The following TM7SF3 variants were observed in gnomAD, a reference collection of about 807,000 sequenced individuals.
TM7SF3 encodes transmembrane 7 superfamily member 3.
In TM7SF3, 60 loss-of-function variants were observed where a neutral mutation model predicts 65.5. That is an observed-to-expected ratio of 0.92 (90% confidence interval 0.74 to 1.14). TM7SF3 has a LOEUF of 1.14. Ranked by LOEUF, TM7SF3 falls within the 50% of genes most tolerant of loss-of-function variation. The probability of loss-of-function intolerance (pLI) is 0.00; values close to 1 mark genes in which losing one functional copy is unlikely to be tolerated. For missense variants in TM7SF3, 623 were observed against 684.8 expected, an observed-to-expected ratio of 0.91 and a Z score of 1.01; for synonymous variants, 264 against 259.6, an observed-to-expected ratio of 1.02 and a Z score of -0.16.
chr12:26,976,698 T>C (rs1343401485), intron 9 of TM7SF3, among the ~76,000 whole-genome samples: 16 of 152,246 alleles, frequency 1.1e-4, no homozygotes, highest in Admixed American at 1.0e-3. Context: ...CATTGAATTA[T>C]ATCTCCAAGC....
chr12:26,990,768 T>C lies in TM7SF3; in HGVS notation c.691-141A>G, dbSNP rs1243361588. 1.8e-5 allele frequency: 11 copies of C among 600,472 alleles called. No individual in the cohort carries two copies. In the Admixed American group the frequency reaches 3.5e-4, roughly 19 times the overall value. The allele number at this position is 600,472 out of a possible 1,614,324, so 37.2% of individuals were successfully genotyped here. ...AAAATATACACCAACCCATTTAATA[T>C]GGTCAAAAGGCCATCTTACATGGTT... On this transcript the variant is annotated intron_variant, in intron 5 of 11. Transcript: ENST00000343028.
intron 5 of TM7SF3, among the ~76,000 whole-genome samples, chr12:26,991,308 G>A (rs978974078): frequency 7.3e-5 from 11 of 150,940 alleles, no homozygotes; most frequent in African/African-American, 4.9e-5. Context: ...GCCCGCCACC[G>A]CGCCCGGCTA....
chr12:26,990,650 A>G, intron 5 of TM7SF3, 23 bp from the exon 6 acceptor site: 2 of 1,599,558 alleles, frequency 1.3e-6, no homozygotes, highest in Non-Finnish European at 1.7e-6. Flanking sequence ...ATAACACATG[A>G]TTAGTGTTTA....
At chr12:26,992,590 T>C (rs192614361) in intron 5 of TM7SF3, among the ~76,000 whole-genome samples, 7 of 152,272 alleles carry the variant, frequency 4.6e-5, no homozygotes, top group African/African-American at 1.7e-4. Flanking sequence ...GGCCCACAAA[T>C]GCTATTTTAT....
chr12:26,981,969 T>A (rs1245855659), intron 7 of TM7SF3, among the ~76,000 whole-genome samples: 1 of 152,188 alleles, frequency 6.6e-6, no homozygotes, highest in African/African-American at 2.4e-5. Flanking sequence ...CATAGCCTGA[T>A]TCATGTGAAA....
chr12:27,001,297 A>G (rs1433345277), intron 2 of TM7SF3, among the ~76,000 whole-genome samples: 1 of 152,236 alleles, frequency 6.6e-6, no homozygotes, highest in Non-Finnish European at 1.5e-5. Flanking sequence ...CCCTTTCTGC[A>G]TAGAAATCAA....
rs746047391 is a variant in TM7SF3 at position 26,982,819 on chromosome 12, CA to C, written c.908del (p.Leu303ArgfsTer21). 11 of 1,609,532 alleles carry C rather than the reference CA, an allele frequency of 6.8e-6. No individual in the cohort carries two copies. Among genetic ancestry groups the C allele is most frequent in the Non-Finnish European group, 9.3e-6 (11 of 1,178,612 alleles). On this transcript the variant is annotated frameshift_variant, in exon 7 of 12. Transcript: ENST00000343028. LOFTEE classifies it high-confidence loss of function. The stretch of plus-strand genomic sequence containing the variant: ...CAAAGAAACAAATGAAGAAACCAAG[CA>C]GGGCAAAAAGAGTGAAGAACACTTT... ...SSKVFFTLFA[L>X]LGFFICFFGH...
At chr12:26,997,919 G>A (rs1240776163) in intron 3 of TM7SF3, among the ~76,000 whole-genome samples, 2 of 146,810 alleles carry the variant, frequency 1.4e-5, no homozygotes, top group African/African-American at 2.5e-5. Flanking sequence ...TCTGCCCACC[G>A]GGTTCAAGCA....
chr12:27,012,667 T>G, intron 1 of TM7SF3: 2 of 455,960 alleles, frequency 4.4e-6, no homozygotes, highest in South Asian at 3.1e-5. Flanking sequence ...ACTTACAATC[T>G]AACATCCCAT....
chr12:27,007,230 CA>C (rs1941073096), intron 1 of TM7SF3, among the ~76,000 whole-genome samples: 1 of 152,158 alleles, frequency 6.6e-6, no homozygotes, highest in African/African-American at 2.4e-5. Context: ...CCAAAAGCTA[CA>C]GGAAAATGAT....
intron 1 of TM7SF3, among the ~76,000 whole-genome samples, chr12:27,004,348 G>C (rs1056015873): frequency 1.3e-5 from 2 of 152,176 alleles, no homozygotes; most frequent in Non-Finnish European, 2.9e-5. Flanking sequence ...CACATAAGCA[G>C]TCTTGGGGGT....
rs757020121 is a variant in TM7SF3, at chr12:26,975,493, T to C, written c.1450+3A>G. The C allele has an allele frequency of 6.2e-7, 1 of 1,614,064 alleles. No individual in the cohort carries two copies. Among genetic ancestry groups the C allele is most frequent in the Non-Finnish European group, 8.5e-7 (1 of 1,179,934 alleles). On this transcript the variant is annotated splice_donor_region_variant and intron_variant, in intron 11 of 11. Transcript: ENST00000343028. The stretch of plus-strand genomic sequence containing the variant: ...CACTGGTTTTTGGATTTAAGAGTCT[T>C]ACCATTAGTTTGAAAAGGCACATTT...
At chr12:26,975,695 T>A in intron 10 of TM7SF3, 37 bp from the exon 11 acceptor site, 1 of 1,606,342 alleles carries the variant, frequency 6.2e-7, no homozygotes, top group Non-Finnish European at 8.5e-7. Flanking sequence ...ATCATCCATG[T>A]TAGAACAAAA....
At position 26,975,923 on chromosome 12, in the gene TM7SF3, CT is replaced by C. The variant is rs1295419545; in HGVS notation, c.1288-266del. Reference sequence around the variant, plus strand: ...TATGAAGGAACTTCAACAATAAAATCTAATTAGAGGAAGAATCACTCTTCTG... The same window carrying C: ...TATGAAGGAACTTCAACAATAAAATCAATTAGAGGAAGAATCACTCTTCTG... On this transcript the variant is annotated intron_variant, in intron 10 of 11. Transcript: ENST00000343028. 1.3e-5 allele frequency: 7 copies of C among 533,920 alleles called. No homozygotes were observed. The East Asian group carries it at 1.8e-4, about 14-fold the overall frequency. 33.1% of individuals were successfully genotyped at this position (533,920 alleles called of 1,614,324 possible).
intron 6 of TM7SF3, among the ~76,000 whole-genome samples, chr12:26,987,668 A>G (rs945274812): frequency 4.6e-5 from 7 of 152,232 alleles, no homozygotes; most frequent in African/African-American, 1.7e-4. Flanking sequence ...CATTAGAGAA[A>G]CACCATTTGG....
chr12:26,983,548 A>G (rs1565870447), intron 6 of TM7SF3: 1 of 455,148 alleles, frequency 2.2e-6, no homozygotes, highest in Non-Finnish European at 4.4e-6. Flanking sequence ...TAATCCAGTG[A>G]TAAAGGAGGG....
In TM7SF3 at chr12:27,007,358, AG is replaced by A. The variant is rs772556886; in HGVS notation, c.92-3969del. On this transcript the variant is annotated intron_variant, in intron 1 of 11. Transcript: ENST00000343028. Reference sequence around the variant, plus strand: ...AACCTGGTCACTTGACAAAATAGGTAGGGGTATTAAGAGGAAGTATCTCTGG... The same window carrying A: ...AACCTGGTCACTTGACAAAATAGGTAGGGTATTAAGAGGAAGTATCTCTGG... 1.3e-3 allele frequency among the ~76,000 whole-genome samples: 196 copies of A among 152,310 alleles called. 1 individual carries two copies. Among genetic ancestry groups the A allele is most frequent in the Non-Finnish European group, 6.3e-4 (43 of 68,016 alleles).
chr12:26,990,539 T>A lies in TM7SF3; in HGVS notation c.779A>T (p.Asp260Val). 6.2e-7 allele frequency: 1 copy of A among 1,613,916 alleles called. No homozygotes were observed. Among genetic ancestry groups the A allele is most frequent in the African/African-American group, 1.3e-5 (1 of 75,024 alleles). ...QGVIYNVIVW[D>V]PFLNTSAAYI... ...GGCAGCAGATGTATTTAGAAACGGGTCCCAAACAATGACATTGTATATGAC... is the reference window on the plus strand; with the variant it reads ...GGCAGCAGATGTATTTAGAAACGGGACCCAAACAATGACATTGTATATGAC... The change falls in exon 6 of 12, where the codon GAC becomes GTC. Residue 260 changes from aspartate to valine, a missense_variant. Transcript: ENST00000343028.
chr12:26,999,784 A>G, intron 2 of TM7SF3, 108 bp from the exon 3 acceptor site: 1 of 1,079,472 alleles, frequency 9.3e-7, no homozygotes, highest in Non-Finnish European at 1.3e-6. Context: ...AAACAAATAG[A>G]AAAAAAAAAC....
Sources: gnomAD v4.1 joint callset for allele counts (sites outside exome capture counted in the v4.1 genomes callset) on GRCh38, gnomAD v4.1.1 for gene constraint, MANE v1.5 for transcripts, NCBI Gene and HGNC (gene_info 2026-07-23, HGNC 2026-07-21) for gene names.